Variants in FLNB observed in about 807,000 individuals in gnomAD.
FLNB encodes the protein filamin B.
FLNB carries 111 observed loss-of-function variants against 250.6 expected under a neutral mutation model. That is an observed-to-expected ratio of 0.44 (90% confidence interval 0.38 to 0.52). The LOEUF is 0.52. Ranked by LOEUF, FLNB falls within the 20% of genes least tolerant of loss-of-function variation. The pLI is 0.00. For synonymous variants in FLNB, 1,302 were observed against 1,372.1 expected, an observed-to-expected ratio of 0.95 and a Z score of 1.13; for missense variants, 2,869 against 3,447.8, an observed-to-expected ratio of 0.83 and a Z score of 4.20.
chr3:58,012,241 G>A (rs1471898245), intron 1 of FLNB, among the ~76,000 whole-genome samples: 3 of 149,700 alleles, frequency 2.0e-5, no homozygotes, highest in East Asian at 2.0e-4. Context: ...AGTCATGCCC[G>A]AATGGTTTGC....
At position 58,146,062 on chromosome 3, in the gene FLNB, TTACGTGTTTA is replaced by T. The variant is rs1405133929; in HGVS notation, c.5554+18_5554+27del. On this transcript the variant is annotated intron_variant, in intron 33 of 45. Coordinates refer to ENST00000295956, the MANE Select transcript of FLNB (RefSeq NM_001457.4). ...GATGCAGGAGAAGGTACTGTGTGGT[TTACGTGTTTA>T]TACGCCTCCAGCTGTCCATTTGGAG... 2.0e-5 allele frequency: 33 copies of T among 1,614,014 alleles called. No homozygotes were observed. Among genetic ancestry groups the T allele is most frequent in the Non-Finnish European group, 2.8e-5 (33 of 1,180,016 alleles).
At position 58,055,173 on chromosome 3, in the gene FLNB, C is replaced by T. The variant is rs147509761; in HGVS notation, c.293-21873C>T. 5.0e-3 allele frequency among the ~76,000 whole-genome samples: 765 copies of T among 151,826 alleles called. 4 individuals are homozygous for T. Among genetic ancestry groups the T allele is most frequent in the African/African-American group, 0.018 (727 of 41,378 alleles). On this transcript the variant is annotated intron_variant, in intron 1 of 45. Coordinates refer to ENST00000295956, the MANE Select transcript of FLNB (RefSeq NM_001457.4). ...TCCCAGCTACTTGGGTGTCGAGACA[C>T]GAGAATTGCTTGAACCCAGAAGGCA...
chr3:58,131,106 T>C (rs2097306613), intron 25 of FLNB, among the ~76,000 whole-genome samples, 198 bp downstream of exon 25: 1 of 152,098 alleles, frequency 6.6e-6, no homozygotes, highest in African/African-American at 2.4e-5. Flanking sequence ...CAGTGATCTG[T>C]CCCCCCATTT....
chr3:58,023,082 G>A (rs1017395257), intron 1 of FLNB, among the ~76,000 whole-genome samples: 1 of 149,744 alleles, frequency 6.7e-6, no homozygotes, highest in Non-Finnish European at 1.5e-5. Flanking sequence ...CTAAAGTGCT[G>A]GGATCAGGCT....
chr3:58,145,822 C>T, intron 32 of FLNB, 99 bp from the exon 33 acceptor site: 2 of 1,491,290 alleles, frequency 1.3e-6, no homozygotes, highest in Non-Finnish European at 1.9e-6. Context: ...TAGGAGGCGC[C>T]AGACCTGTAG....
rs887265202 is a variant in FLNB, at chr3:58,101,720, C to T, written c.1346-483C>T. ...GGTTGTTTTTGCCTGGTTGTTCAGG[C>T]GGAAGACAACAACATTTAGACACTT... On this transcript the variant is annotated intron_variant, in intron 8 of 45. Transcript: ENST00000295956. 3.9e-5 allele frequency among the ~76,000 whole-genome samples: 6 copies of T among 152,242 alleles called. No homozygotes were observed. The East Asian group carries it at 9.6e-4, about 24-fold the overall frequency.
intron 1 of FLNB, among the ~76,000 whole-genome samples, chr3:58,061,650 G>A (rs941525106): frequency 4.0e-5 from 6 of 151,806 alleles, no homozygotes; most frequent in South Asian, 2.1e-4. Context: ...AAGCTGAGTC[G>A]GGAGCCTGAT....
intron 4 of FLNB, among the ~76,000 whole-genome samples, chr3:58,082,769 C>T (rs2362898): frequency 0.47 from 70,722 of 150,058 alleles, 18,051 homozygotes; most frequent in East Asian, 0.98. Flanking sequence ...CGTGAGCCTC[C>T]GTCTCAAAAA....
chr3:58,029,696 G>C (rs1576606092), intron 1 of FLNB, among the ~76,000 whole-genome samples: 2 of 151,854 alleles, frequency 1.3e-5, no homozygotes, highest in South Asian at 4.2e-4. Flanking sequence ...GTAAAGATGG[G>C]GTTTCACCAT....
chr3:58,111,643 C>G (rs2097268916), intron 16 of FLNB, 148 bp from the exon 17 acceptor site: 1 of 676,526 alleles, frequency 1.5e-6, no homozygotes, highest in Admixed American at 2.1e-5. Context: ...TTTGGCTTAT[C>G]TTACCCTTCT....
intron 26 of FLNB, 116 bp from the exon 27 acceptor site, chr3:58,134,500 T>G (rs2097312913): frequency 1.6e-6 from 2 of 1,219,638 alleles, no homozygotes; most frequent in African/African-American, 1.5e-5. Context: ...ACTCACTGTC[T>G]TATCTGCTGT....
At chr3:58,030,084 G>T (rs140602914) in intron 1 of FLNB, among the ~76,000 whole-genome samples, 1 of 152,176 alleles carries the variant, frequency 6.6e-6, no homozygotes, top group Admixed American at 6.5e-5. Flanking sequence ...GGTAGTAAGC[G>T]AGGCAAAGGA....
At chr3:58,079,648 A>T (rs1379183844) in intron 3 of FLNB, among the ~76,000 whole-genome samples, 1 of 152,244 alleles carries the variant, frequency 6.6e-6, no homozygotes, top group African/African-American at 2.4e-5. Flanking sequence ...ACAGGAATAT[A>T]ACAAGAGAAC....
rs904931753 is a variant in FLNB, at chr3:58,081,512, A to G, written c.640-117A>G. On this transcript the variant is annotated intron_variant, in intron 3 of 45. Transcript: ENST00000295956. ...GGTTTAAAGTAATTTCACTTAATTG[A>G]GAAGCTGACTCAGTTTCTTAATATT... The G allele has an allele frequency of 1.7e-5, 17 of 975,988 alleles. No homozygotes were observed. The Admixed American group carries it at 2.0e-4, about 12-fold the overall frequency. 60.5% of individuals were successfully genotyped at this position (975,988 alleles called of 1,614,324 possible). A position where few individuals can be genotyped will look rare whatever the true frequency, so the allele number is the denominator to read the frequency against.
intron 1 of FLNB, among the ~76,000 whole-genome samples, chr3:58,020,473 A>AGCT (rs2097112223): frequency 6.6e-6 from 1 of 152,184 alleles, no homozygotes; most frequent in Non-Finnish European, 1.5e-5. Flanking sequence ...TGAGAGAGAA[A>AGCT]GCTGGTCCGT....
chr3:58,061,339 G>A (rs947987904), intron 1 of FLNB, among the ~76,000 whole-genome samples: 14 of 152,094 alleles, frequency 9.2e-5, no homozygotes, highest in African/African-American at 3.1e-4. Flanking sequence ...AGTACCTATA[G>A]ATCCTGACAA....
chr3:58,115,927 C>G (rs1181330632), intron 18 of FLNB, among the ~76,000 whole-genome samples: 6 of 152,142 alleles, frequency 3.9e-5, no homozygotes, highest in African/African-American at 9.7e-5. Context: ...GGGCAACTTG[C>G]AATTCTGCCT....
chr3:58,095,229 GTATTTATT>G (rs1553694995), intron 5 of FLNB, among the ~76,000 whole-genome samples: 38 of 147,708 alleles, frequency 2.6e-4, no homozygotes, highest in Non-Finnish European at 3.0e-4. Flanking sequence ...GTTTATGTAT[GTATTTATT>G]TATTTATTTA....
chr3:58,142,482 A>C lies in FLNB; in HGVS notation c.5182-168A>C, dbSNP rs1217660361. 6.6e-6 allele frequency among the ~76,000 whole-genome samples: 1 copy of C among 152,132 alleles called. No individual in the cohort carries two copies. Among genetic ancestry groups the C allele is most frequent in the Admixed American group, 6.5e-5 (1 of 15,282 alleles). ...TGACCTCTCCAGTCCCTCAGGTTCT[A>C]CCCTGGGTCTGGAGCCACTTAGACA... On this transcript the variant is annotated intron_variant, in intron 30 of 45. Coordinates refer to ENST00000295956, the MANE Select transcript of FLNB (RefSeq NM_001457.4). The surrounding 1 kb of genome is among the most constrained non-coding windows in gnomAD (Gnocchi z 4.3).
Sources: allele counts gnomAD v4.1 joint callset (sites outside exome capture counted in the v4.1 genomes callset), GRCh38; gene constraint gnomAD v4.1.1; non-coding constraint Gnocchi (gnomAD v3.1); transcripts MANE v1.5; gene names NCBI Gene and HGNC (gene_info 2026-07-23, HGNC 2026-07-21).